Variants in MKRN2 observed in about 807,000 individuals in gnomAD.
MKRN2 encodes the protein makorin ring finger protein 2.
In MKRN2, 32 loss-of-function variants were observed where a neutral mutation model predicts 45.4. The ratio of observed to expected loss-of-function variants is 0.70; its 90% CI spans 0.53 to 0.95. MKRN2 has a LOEUF of 0.95. Among genes scored for constraint, MKRN2 ranks in the 40% least tolerant of loss-of-function variants. The pLI, the probability that MKRN2 is intolerant of heterozygous loss-of-function variation, is 0.00. For missense variants in MKRN2, 526 were observed against 536.7 expected (o/e 0.98, Z 0.20); for synonymous variants, 206 against 192.4 (o/e 1.07, Z -0.59).
chr3:12,565,865 TTTTG>T (rs1208779988), intron 1 of MKRN2, among the ~76,000 whole-genome samples: 1 of 151,528 alleles, frequency 6.6e-6, no homozygotes, highest in Non-Finnish European at 1.5e-5. Flanking sequence ...TTACAGGGTT[TTTTG>T]TTTGTTTTTT....
At chr3:12,564,553 C>G (rs193219931) in intron 1 of MKRN2, among the ~76,000 whole-genome samples, 1 of 152,158 alleles carries the variant, frequency 6.6e-6, no homozygotes, top group East Asian at 1.9e-4. Flanking sequence ...TGGTTATGTC[C>G]CTTGTGTTCT....
rs1372068327 is a variant in MKRN2 at position 12,557,111 on chromosome 3, A to G, written c.-40A>G. On this transcript the variant is annotated 5_prime_UTR_variant, in exon 1 of 8. Transcript: ENST00000170447. ...CAAGGCCGAGGCGGCAGCGGCTGCG[A>G]GAGGCGGCGGCACGACGACGGTCCC... is the stretch of plus-strand genomic sequence containing the variant. 7 of 1,462,350 alleles carry G rather than the reference A, an allele frequency of 4.8e-6. No homozygotes were observed. The highest frequency in any genetic ancestry group is 6.3e-6 in the Non-Finnish European group (7 of 1,106,784). The allele number at this position is 1,462,350 out of a possible 1,614,324, so 90.6% of individuals were successfully genotyped here.
Position 12,565,155 on chromosome 3 carries a change from GGTCA to G in MKRN2, c.27-3719_27-3716del, listed in dbSNP as rs1437035985. Among the ~76,000 whole-genome samples, 4 of 152,290 alleles carry G rather than the reference GGTCA, an allele frequency of 2.6e-5. No individual in the cohort carries two copies. In the East Asian group the frequency reaches 7.7e-4, roughly 29 times the overall value. ...TACATACCTAGGCGTAGAATTGTTGGGTCATATGGTAGATTTATGTTTACATTTT... is the reference window on the plus strand; with the variant it reads ...TACATACCTAGGCGTAGAATTGTTGGTATGGTAGATTTATGTTTACATTTT... On this transcript the variant is annotated intron_variant, in intron 1 of 7. Coordinates refer to ENST00000170447, the MANE Select transcript of MKRN2 (RefSeq NM_014160.5).
chr3:12,575,853 G>A (rs935711076), intron 5 of MKRN2, among the ~76,000 whole-genome samples: 4 of 152,172 alleles, frequency 2.6e-5, no homozygotes, highest in African/African-American at 9.7e-5. Flanking sequence ...ATGTGCCAGA[G>A]TCCCCTTCTC....
chr3:12,574,710 A>G, intron 4 of MKRN2, 82 bp from the exon 5 acceptor site: 1 of 1,249,880 alleles, frequency 8.0e-7, no homozygotes, highest in Non-Finnish European at 1.2e-6. Context: ...CAGCTGTGGC[A>G]GTGTGGCTGC....
chr3:12,583,614 T>A lies in MKRN2; in HGVS notation c.*1361T>A, dbSNP rs547546493. The A allele has an allele frequency of 4.3e-6, 1 of 231,712 alleles. No individual in the cohort carries two copies. The highest frequency in any genetic ancestry group is 5.6e-5 in the Admixed American group (1 of 17,752). 14.4% of individuals were successfully genotyped at this position (231,712 alleles called of 1,614,324 possible). On this transcript the variant is annotated 3_prime_UTR_variant, in exon 8 of 8. Transcript: ENST00000170447. ...AACAGCCAGCCATTACACCTAAATTTAATTTATTTTATTAAAATAACATAA... is the reference window on the plus strand; with the variant it reads ...AACAGCCAGCCATTACACCTAAATTAAATTTATTTTATTAAAATAACATAA...
At position 12,581,957 on chromosome 3, in the gene MKRN2, G is replaced by A; in HGVS notation, c.1113+5G>A. 1 of 1,613,720 alleles carries A rather than the reference G, an allele frequency of 6.2e-7. No homozygotes were observed. Among genetic ancestry groups the A allele is most frequent in the Non-Finnish European group, 8.5e-7 (1 of 1,179,788 alleles). On this transcript the variant is annotated splice_donor_5th_base_variant and intron_variant, in intron 7 of 7. Coordinates refer to ENST00000170447, the MANE Select transcript of MKRN2 (RefSeq NM_014160.5). ...AGTTCTCAAGGCACTGTGAGGGTAA[G>A]GACTTTAGCCATCTCTAGTTGGGGA...
At chr3:12,580,622 C>G (rs2058171274) in intron 6 of MKRN2, among the ~76,000 whole-genome samples, 1 of 152,174 alleles carries the variant, frequency 6.6e-6, no homozygotes, top group Non-Finnish European at 1.5e-5. Context: ...CCACACCCAG[C>G]TCATTTGTGT....
chr3:12,581,780 C>G, intron 6 of MKRN2, 28 bp from the exon 7 acceptor site: 1 of 1,612,314 alleles, frequency 6.2e-7, no homozygotes, highest in Non-Finnish European at 8.5e-7. Context: ...TCCCACCAGC[C>G]TCTTGACTTT....
rs937649398 is a variant in MKRN2 at position 12,573,765 on chromosome 3, C to T, written c.643-1027C>T. Among the ~76,000 whole-genome samples the T allele has an allele frequency of 5.3e-5, 8 of 151,886 alleles. No homozygotes were observed. In the South Asian group the frequency reaches 1.3e-3, roughly 24 times the overall value. On this transcript the variant is annotated intron_variant, in intron 4 of 7. Coordinates refer to ENST00000170447, the MANE Select transcript of MKRN2 (RefSeq NM_014160.5). ...AAAGTTAACTGGGTGTGGTGGCGGG[C>T]GCCTGTAGTCCCAGCTACTTGGGAG...
Position 12,567,815 on chromosome 3 carries a change from T to C in MKRN2, c.27-1060T>C, listed in dbSNP as rs201836851. Among the ~76,000 whole-genome samples the C allele has an allele frequency of 7.2e-5, 11 of 152,236 alleles. No individual in the cohort carries two copies. The East Asian group carries it at 2.1e-3, about 29-fold the overall frequency. On this transcript the variant is annotated intron_variant, in intron 1 of 7. Coordinates refer to ENST00000170447, the MANE Select transcript of MKRN2 (RefSeq NM_014160.5). Reference sequence around the variant, plus strand: ...CTAGTTTATCTTTAATATCAAGACATGTTCATCTAGGGTCTCTACTGTTTG... The same window carrying C: ...CTAGTTTATCTTTAATATCAAGACACGTTCATCTAGGGTCTCTACTGTTTG...
At chr3:12,573,673 C>T (rs1207304114) in intron 4 of MKRN2, among the ~76,000 whole-genome samples, 1 of 152,094 alleles carries the variant, frequency 6.6e-6, no homozygotes, top group Non-Finnish European at 1.5e-5. Flanking sequence ...GCAGGCGGAT[C>T]ACAAGGTCAG....
At chr3:12,577,855 T>G (rs892075202) in intron 6 of MKRN2, among the ~76,000 whole-genome samples, 1 of 152,172 alleles carries the variant, frequency 6.6e-6, no homozygotes, top group Non-Finnish European at 1.5e-5. Context: ...TTTTGTATTT[T>G]TAGTAGAAAC....
chr3:12,573,425 C>T (rs965426944), intron 4 of MKRN2, among the ~76,000 whole-genome samples: 7 of 149,886 alleles, frequency 4.7e-5, no homozygotes, highest in Non-Finnish European at 8.9e-5. Context: ...CCCAGCTACT[C>T]GGCAGGACTG....
At chr3:12,559,322 C>T (rs1439905906) in intron 1 of MKRN2, among the ~76,000 whole-genome samples, 2 of 152,200 alleles carry the variant, frequency 1.3e-5, no homozygotes, top group East Asian at 3.8e-4. Context: ...TTTATTATCT[C>T]ATTAACAAAA....
chr3:12,580,930 CTGT>C (rs1003578617), intron 6 of MKRN2, among the ~76,000 whole-genome samples: 1 of 152,228 alleles, frequency 6.6e-6, no homozygotes, highest in Non-Finnish European at 1.5e-5. Flanking sequence ...CGTGCCCTTT[CTGT>C]TGTTTGGCTT....
Position 12,572,348 on chromosome 3 carries a change from C to A in MKRN2, c.617C>A (p.Pro206Gln). 2 of 1,587,522 alleles carry A rather than the reference C, an allele frequency of 1.3e-6. No homozygotes were observed. The highest frequency in any genetic ancestry group is 3.5e-5 in the Admixed American group (2 of 57,110). The change falls in exon 4 of 8, where the codon CCA becomes CAA. Residue 206 changes from proline to glutamine, a missense_variant. Pro to Gln is a moderately conservative substitution (Grantham distance 76). Transcript: ENST00000170447. ...CTGCAAGTCTTGCACCCATTCGACCCAGAGCAGAGGAAGGCTCATGAAAAG... is the reference window on the plus strand; with the variant it reads ...CTGCAAGTCTTGCACCCATTCGACCAAGAGCAGAGGAAGGCTCATGAAAAG... ...CRLQVLHPFD[P>Q]EQRKAHEKIC... is the part of the protein sequence containing the mutation.
At chr3:12,578,858 ATTTTTTTTT>A (rs374121518) in intron 6 of MKRN2, among the ~76,000 whole-genome samples, 23 of 125,234 alleles carry the variant, frequency 1.8e-4, no homozygotes, top group Middle Eastern at 4.8e-3. Flanking sequence ...CTAAAGCTTG[ATTTTTTTTT>A]TTTTTTTTTT....
At chr3:12,562,659 C>G (rs1231874542) in intron 1 of MKRN2, among the ~76,000 whole-genome samples, 1 of 152,072 alleles carries the variant, frequency 6.6e-6, no homozygotes, top group Non-Finnish European at 1.5e-5. Flanking sequence ...GTGTTTATAG[C>G]CACTCCCCAT....
Sources: gnomAD v4.1 joint callset for allele counts (sites outside exome capture counted in the v4.1 genomes callset) on GRCh38, gnomAD v4.1.1 for gene constraint, MANE v1.5 for transcripts, NCBI Gene and HGNC (gene_info 2026-07-23, HGNC 2026-07-21) for gene names.